The following FAF1 variants were observed in gnomAD, a reference collection of about 807,000 sequenced individuals.
The protein encoded by FAF1 is FAS-associated factor 1.
Under a neutral mutation model 92.5 loss-of-function variants are expected in FAF1, and 25 were observed. The ratio of observed to expected loss-of-function variants is 0.27; its 90% CI spans 0.20 to 0.38. FAF1 has a LOEUF of 0.38. Ranked by LOEUF, FAF1 falls within the 10% of genes least tolerant of loss-of-function variation. The pLI is 1.00. For synonymous variants in FAF1, 234 were observed against 273.2 expected (o/e 0.86, Z 1.42); for missense variants, 636 against 793.3 (o/e 0.80, Z 2.38).
chr1:50,717,817 C>A (rs751145876), intron 6 of FAF1, among the ~76,000 whole-genome samples: 31 of 152,182 alleles, frequency 2.0e-4, no homozygotes, highest in Non-Finnish European at 2.9e-4. Flanking sequence ...GCCTGCGCAA[C>A]ATAGCAAGAC....
At chr1:50,557,920 T>C (rs1418490888) in intron 13 of FAF1, among the ~76,000 whole-genome samples, 1 of 151,966 alleles carries the variant, frequency 6.6e-6, no homozygotes, top group East Asian at 1.9e-4. Context: ...ATTTATTTAT[T>C]TATTTATTTA....
intron 8 of FAF1, among the ~76,000 whole-genome samples, chr1:50,602,457 T>G (rs982286500): frequency 6.6e-6 from 1 of 152,140 alleles, no homozygotes; most frequent in Non-Finnish European, 1.5e-5. Context: ...TAAGGCAGTA[T>G]TCAGTGCTAT....
chr1:50,819,322 GT>G (rs1644009309), intron 2 of FAF1, among the ~76,000 whole-genome samples: 3 of 151,790 alleles, frequency 2.0e-5, no homozygotes, highest in Admixed American at 2.0e-4. Context: ...AAATCCGTAT[GT>G]TTTACTATAT....
At chr1:50,667,774 AT>A (rs987531813) in intron 7 of FAF1, among the ~76,000 whole-genome samples, 3 of 152,068 alleles carry the variant, frequency 2.0e-5, no homozygotes, top group Admixed American at 6.6e-5. Flanking sequence ...AAGAAAAAAG[AT>A]TTTTTTTCCT....
rs36053834 is a variant in FAF1 at position 50,621,391 on chromosome 1, C to CTT, written c.745-25177_745-25176dup. Among the ~76,000 whole-genome samples, 550 of 89,248 alleles carry CTT rather than the reference C, an allele frequency of 6.2e-3. 40 individuals are homozygous for CTT. Among genetic ancestry groups the CTT allele is most frequent in the African/African-American group, 9.5e-3 (203 of 21,398 alleles). 58.6% of individuals were successfully genotyped at this position (89,248 alleles called of 152,430 possible). A position where few individuals can be genotyped will look rare whatever the true frequency, so the allele number is the denominator to read the frequency against. On this transcript the variant is annotated intron_variant, in intron 8 of 18. Coordinates refer to ENST00000396153, the MANE Select transcript of FAF1 (RefSeq NM_007051.3). ...AGTTAGCCCCGATCTTTCTTTTTTT[C>CTT]TTTTTTTTTTTTTTTTTTTTTTTTT...
intron 1 of FAF1, among the ~76,000 whole-genome samples, chr1:50,938,146 G>C (rs80023475): frequency 0.02 from 3,047 of 152,272 alleles, 98 homozygotes; most frequent in African/African-American, 0.07. Context: ...CTGAGTAAAT[G>C]TCTGGTTAGG....
chr1:50,655,258 G>A (rs532697061), intron 8 of FAF1, among the ~76,000 whole-genome samples, 184 bp downstream of exon 8: 4 of 152,288 alleles, frequency 2.6e-5, no homozygotes, highest in Admixed American at 1.3e-4. Flanking sequence ...CTGACCTCAG[G>A]TGATCCACAC....
At chr1:50,759,610 A>G (rs1482702416) in intron 4 of FAF1, among the ~76,000 whole-genome samples, 1 of 152,114 alleles carries the variant, frequency 6.6e-6, no homozygotes, top group Non-Finnish European at 1.5e-5. Flanking sequence ...CGCAATAAAC[A>G]TACGTGTGCA....
chr1:50,676,656 T>C (rs980772671), intron 7 of FAF1, among the ~76,000 whole-genome samples: 6 of 151,882 alleles, frequency 4.0e-5, no homozygotes. Flanking sequence ...ACCCTGTCTC[T>C]ACTAAAAATA....
chr1:50,788,321 A>C, intron 3 of FAF1, 116 bp from the exon 4 acceptor site: 1 of 829,018 alleles, frequency 1.2e-6, no homozygotes, highest in South Asian at 1.6e-5. Context: ...GTTTACCTAC[A>C]TGTGTGTCAA....
At chr1:50,613,332 A>G (rs1255723157) in intron 8 of FAF1, among the ~76,000 whole-genome samples, 1 of 152,238 alleles carries the variant, frequency 6.6e-6, no homozygotes, top group Admixed American at 6.5e-5. Context: ...ACTTAAAACT[A>G]CCAATCAAAA....
intron 12 of FAF1, among the ~76,000 whole-genome samples, chr1:50,581,657 T>G (rs554475459): frequency 1.3e-5 from 2 of 152,166 alleles, no homozygotes; most frequent in Admixed American, 1.3e-4. Flanking sequence ...TGGGAAGTGC[T>G]AAAGGGGTAG....
intron 6 of FAF1, among the ~76,000 whole-genome samples, chr1:50,712,637 C>T (rs1329552294): frequency 2.6e-5 from 4 of 151,948 alleles, no homozygotes; most frequent in Non-Finnish European, 4.4e-5. Flanking sequence ...GCCTGGGCAG[C>T]AGAGAGAGAC....
chr1:50,683,419 T>C (rs887002896), intron 7 of FAF1, among the ~76,000 whole-genome samples: 2 of 151,748 alleles, frequency 1.3e-5, no homozygotes, highest in Non-Finnish European at 2.9e-5. Context: ...TCCAGCTACT[T>C]GGGAGGTTGA....
intron 1 of FAF1, among the ~76,000 whole-genome samples, chr1:50,908,710 T>G (rs529558238): frequency 6.6e-6 from 1 of 152,166 alleles, no homozygotes; most frequent in African/African-American, 2.4e-5. Context: ...CCTTTTTTTT[T>G]GCTTTCCATT....
At chr1:50,945,279 G>C (rs1645165021) in intron 1 of FAF1, among the ~76,000 whole-genome samples, 1 of 152,046 alleles carries the variant, frequency 6.6e-6, no homozygotes, top group Non-Finnish European at 1.5e-5. Flanking sequence ...GATTGGACTA[G>C]AACAGCAACA....
At chr1:50,491,319 G>A (rs2149009241) in intron 16 of FAF1, among the ~76,000 whole-genome samples, 1 of 152,288 alleles carries the variant, frequency 6.6e-6, no homozygotes, top group East Asian at 1.9e-4. Context: ...CTTCCTTTGA[G>A]AGCAGAAACT....
intron 15 of FAF1, among the ~76,000 whole-genome samples, chr1:50,534,762 T>G (rs937703270): frequency 2.6e-5 from 4 of 152,230 alleles, no homozygotes; most frequent in Non-Finnish European, 5.9e-5. Context: ...TAGCACATGA[T>G]AAATACTAGG....
chr1:50,635,146 C>A (rs932491020), intron 8 of FAF1, among the ~76,000 whole-genome samples: 1 of 152,076 alleles, frequency 6.6e-6, no homozygotes, highest in Admixed American at 6.6e-5. Context: ...ATATGGCTAC[C>A]ATTCAAGAAC....
Sources: gnomAD v4.1 joint callset for allele counts (sites outside exome capture counted in the v4.1 genomes callset) on GRCh38, gnomAD v4.1.1 for gene constraint, MANE v1.5 for transcripts, NCBI Gene and HGNC (gene_info 2026-07-23, HGNC 2026-07-21) for gene names.